Variants in TMEM247 observed in about 807,000 individuals in gnomAD.
TMEM247 encodes transmembrane protein ENSP00000343375.
TMEM247 carries 23 observed loss-of-function variants against 20.7 expected under a neutral mutation model. That is an observed-to-expected ratio of 1.11 (90% confidence interval 0.80 to 1.57). TMEM247 has a LOEUF of 1.57. TMEM247 is among the 40% of genes most tolerant of loss of function. The pLI is 0.00. For missense variants in TMEM247, 354 were observed against 283.8 expected, an observed-to-expected ratio of 1.25 and a Z score of -1.78; for synonymous variants, 106 against 111.9, an observed-to-expected ratio of 0.95 and a Z score of 0.33.
exon 2 of TMEM247, chr2:46,480,540 G>T (rs1326077198): frequency 6.4e-7 from 1 of 1,551,704 alleles, no homozygotes; most frequent in East Asian, 2.4e-5. Context: ...CCAGGCTGGC[G>T]ACGGACCCAA....
At chr2:46,484,121 C>G in intron 2 of TMEM247, 123 bp from the exon 3 acceptor site, 2 of 889,218 alleles carry the variant, frequency 2.2e-6, no homozygotes, top group Non-Finnish European at 3.4e-6. Flanking sequence ...CACTATTACC[C>G]TTTCTTTAGG....
chr2:46,482,689 A>G (rs1330079387), intron 2 of TMEM247, among the ~76,000 whole-genome samples: 1 of 152,144 alleles, frequency 6.6e-6, no homozygotes, highest in Non-Finnish European at 1.5e-5. Flanking sequence ...GACAGGTGGC[A>G]AAGTCCAGGG....
At chr2:46,481,000 CT>C (rs1178264591) in intron 2 of TMEM247, among the ~76,000 whole-genome samples, 2 of 152,186 alleles carry the variant, frequency 1.3e-5, no homozygotes, top group Admixed American at 1.3e-4. Flanking sequence ...CTGGCCAGCT[CT>C]GTTAAACAGA....
At chr2:46,483,803 T>C (rs1168769300) in intron 2 of TMEM247, among the ~76,000 whole-genome samples, 1 of 152,198 alleles carries the variant, frequency 6.6e-6, no homozygotes, top group African/African-American at 2.4e-5. Flanking sequence ...TTTTATTTTT[T>C]TAAGAAACAG....
At chr2:46,484,263 A>G (rs1372447768) in exon 3 of TMEM247, 2 of 1,550,830 alleles carry the variant, frequency 1.3e-6, no homozygotes, top group Non-Finnish European at 1.7e-6. Context: ...GGCCTCCAGA[A>G]CTTCCTGCTG....
intron 2 of TMEM247, among the ~76,000 whole-genome samples, chr2:46,481,472 C>G (rs1686887797): frequency 6.6e-6 from 1 of 152,194 alleles, no homozygotes; most frequent in Admixed American, 6.5e-5. Context: ...GTTTCCTGCA[C>G]TTTAAAGTCA....
chr2:46,482,961 A>G (rs1686917013), intron 2 of TMEM247, among the ~76,000 whole-genome samples: 1 of 152,150 alleles, frequency 6.6e-6, no homozygotes, highest in South Asian at 2.1e-4. Flanking sequence ...CATTTACTAA[A>G]AATTGGGGAG....
At position 46,479,631 on chromosome 2, in the gene TMEM247, G is replaced by A. The variant is rs1021685987; in HGVS notation, c.46G>A (p.Glu16Lys). The change falls in exon 1 of 3, where the codon GAA becomes AAA. Residue 16 changes from glutamate (E) to lysine (K), a missense_variant. Coordinates refer to ENST00000434431, the Ensembl canonical transcript of TMEM247. Reference sequence around the variant, plus strand: ...GATGATGGAAGCCCGGGGTGCGGGAGAAAGTTGCCCGACCTTCCCCAAGAT... The same window carrying A: ...GATGATGGAAGCCCGGGGTGCGGGAAAAAGTTGCCCGACCTTCCCCAAGAT... 1.9e-5 allele frequency: 29 copies of A among 1,551,776 alleles called. No homozygotes were observed. In the African/African-American group the frequency reaches 3.6e-4, roughly 19 times the overall value.
At chr2:46,479,798 C>A in intron 1 of TMEM247, 96 bp downstream of exon 1, 2 of 878,170 alleles carry the variant, frequency 2.3e-6, no homozygotes, top group Non-Finnish European at 3.6e-6. Context: ...AGACAACTGC[C>A]AAGAACATCA....
At chr2:46,483,172 A>G (rs1686920817) in intron 2 of TMEM247, among the ~76,000 whole-genome samples, 1 of 152,236 alleles carries the variant, frequency 6.6e-6, no homozygotes, top group Non-Finnish European at 1.5e-5. Context: ...TGCATGGGTT[A>G]TGCCCTCTTA....
intron 2 of TMEM247, among the ~76,000 whole-genome samples, chr2:46,483,200 T>C (rs1030699546): frequency 6.6e-6 from 1 of 152,244 alleles, no homozygotes; most frequent in Non-Finnish European, 1.5e-5. Context: ...ATCAAAATAA[T>C]ATCAGCTTTT....
At chr2:46,479,745 A>AG (rs1491428280) in intron 1 of TMEM247, 43 bp downstream of exon 1, 1 of 1,364,248 alleles carries the variant, frequency 7.3e-7, no homozygotes, top group African/African-American at 1.4e-5. Flanking sequence ...CTATTCCGTC[A>AG]GGGGGAGCAA....
intron 2 of TMEM247, 125 bp from the exon 3 acceptor site, chr2:46,484,119 C>A: frequency 2.3e-6 from 2 of 866,488 alleles, no homozygotes; most frequent in East Asian, 2.7e-5. Flanking sequence ...GGCACTATTA[C>A]CCTTTCTTTA....
At position 46,480,267 on chromosome 2, in the gene TMEM247, A is replaced by G. The variant is rs76454308; in HGVS notation, c.118-138A>G. The G allele has an allele frequency of 2.9e-6, 3 of 1,033,608 alleles. No individual in the cohort carries two copies. In the Admixed American group the frequency reaches 8.9e-5, roughly 31 times the overall value. 64.0% of individuals were successfully genotyped at this position (1,033,608 alleles called of 1,614,324 possible). A position where few individuals can be genotyped will look rare whatever the true frequency, so the allele number is the denominator to read the frequency against. On this transcript the variant is annotated intron_variant, in intron 1 of 2. Transcript: ENST00000434431. ...ACAACTCCCGGTAAGAGCACTTCTA[A>G]TAAGAATTCAGCCTAGATCTTTACA...
At chr2:46,481,813 G>A (rs1686894533) in intron 2 of TMEM247, among the ~76,000 whole-genome samples, 1 of 152,174 alleles carries the variant, frequency 6.6e-6, no homozygotes, top group African/African-American at 2.4e-5. Context: ...TCAGTTCTGA[G>A]AACCATGCCT....
chr2:46,481,665 C>T (rs1686892407), intron 2 of TMEM247, among the ~76,000 whole-genome samples: 2 of 152,222 alleles, frequency 1.3e-5, no homozygotes, highest in African/African-American at 4.8e-5. Flanking sequence ...GGTAAGCACT[C>T]AATAAACGTT....
exon 3 of TMEM247, chr2:46,484,382 A>C (rs923548523): frequency 1.3e-6 from 2 of 1,552,170 alleles, no homozygotes; most frequent in Non-Finnish European, 1.7e-6. Flanking sequence ...CCTATTCTGC[A>C]TTGCAGCCAT....
chr2:46,480,288 T>C (rs1327857994), intron 1 of TMEM247, 117 bp from the exon 2 acceptor site: 2 of 1,188,170 alleles, frequency 1.7e-6, no homozygotes, highest in African/African-American at 3.1e-5. Context: ...GCCTAGATCT[T>C]TACAATTCAA....
At chr2:46,480,548 C>G in exon 2 of TMEM247, 1 of 1,551,750 alleles carries the variant, frequency 6.4e-7, no homozygotes, top group Non-Finnish European at 8.7e-7. Context: ...GCGACGGACC[C>G]AAACCCGCAG....
Sources: gnomAD v4.1 joint callset for allele counts (sites outside exome capture counted in the v4.1 genomes callset) on GRCh38, gnomAD v4.1.1 for gene constraint, MANE v1.5 for transcripts, NCBI Gene and HGNC (gene_info 2026-07-23, HGNC 2026-07-21) for gene names.